Variants in PTPRD observed in about 807,000 individuals in gnomAD.
The protein encoded by PTPRD is protein tyrosine phosphatase receptor type D, also known as receptor-type tyrosine-protein phosphatase delta.
A neutral mutation model predicts 214.5 loss-of-function variants in PTPRD; 34 were observed. The observed-to-expected ratio is 0.16, with a 90% CI of 0.12 to 0.21. PTPRD has a LOEUF of 0.21. Among genes scored for constraint, PTPRD ranks in the 10% least tolerant of loss-of-function variants. PTPRD has a pLI of 1.00. For synonymous variants in PTPRD, 1,128 were observed against 845.7 expected (o/e 1.33, Z -5.79); for missense variants, 2,545 against 2,398.7 (o/e 1.06, Z -1.27).
chr9:9,449,408 C>CTA (rs201242883), intron 8 of PTPRD, among the ~76,000 whole-genome samples: 1 of 135,694 alleles, frequency 7.4e-6, no homozygotes, highest in Non-Finnish European at 1.7e-5. Context: ...ATTCAAATTG[C>CTA]TATATATATA....
rs1041949045 is a variant in PTPRD at position 10,292,208 on chromosome 9, G to C, written c.-545+48755C>G. Among the ~76,000 whole-genome samples, 3 of 151,962 alleles carry C rather than the reference G, an allele frequency of 2.0e-5. No individual in the cohort carries two copies. In the East Asian group the frequency reaches 5.8e-4, roughly 29 times the overall value. Reference sequence around the variant, plus strand: ...CAAGTAAAAGATACTGAGGAGACATGTTGAATCTATTTTTCTCTCACACTT... The same window carrying C: ...CAAGTAAAAGATACTGAGGAGACATCTTGAATCTATTTTTCTCTCACACTT... On this transcript the variant is annotated intron_variant, in intron 3 of 45. Coordinates refer to ENST00000381196, the MANE Select transcript of PTPRD (RefSeq NM_002839.4).
intron 39 of PTPRD, among the ~76,000 whole-genome samples, chr9:8,356,870 G>A (rs1157586018): frequency 6.6e-6 from 1 of 151,934 alleles, no homozygotes; most frequent in Non-Finnish European, 1.5e-5. Flanking sequence ...CTGCAACATA[G>A]GTCAAAGGAA....
At chr9:9,848,947 T>C (rs1023843537) in intron 5 of PTPRD, among the ~76,000 whole-genome samples, 1 of 151,956 alleles carries the variant, frequency 6.6e-6, no homozygotes, top group Non-Finnish European at 1.5e-5. Flanking sequence ...AATAACATAT[T>C]TATTGAATAA....
rs568479764 is a variant in PTPRD at position 8,664,373 on chromosome 9, T to C, written c.65-27529A>G. Among the ~76,000 whole-genome samples the C allele has an allele frequency of 2.1e-3, 316 of 152,336 alleles. 1 individual carries two copies. The highest frequency in any genetic ancestry group is 3.3e-3 in the Non-Finnish European group (226 of 68,028). Reference sequence around the variant, plus strand: ...CTTAGTGAATACGGACATTTTCCTATAGAGAACACAAGTGTGTAGATGCTG... The same window carrying C: ...CTTAGTGAATACGGACATTTTCCTACAGAGAACACAAGTGTGTAGATGCTG... On this transcript the variant is annotated intron_variant, in intron 12 of 45. Coordinates refer to ENST00000381196, the MANE Select transcript of PTPRD (RefSeq NM_002839.4).
chr9:9,319,419 C>A (rs1965234496), intron 9 of PTPRD, among the ~76,000 whole-genome samples: 1 of 151,898 alleles, frequency 6.6e-6, no homozygotes, highest in African/African-American at 2.4e-5. Flanking sequence ...CTTTAGTTGG[C>A]CAAAGATAAA....
chr9:9,904,043 C>T (rs1038838060), intron 5 of PTPRD, among the ~76,000 whole-genome samples: 1 of 152,118 alleles, frequency 6.6e-6, no homozygotes, highest in African/African-American at 2.4e-5. Context: ...TTCAGTCCTC[C>T]AGGTGCACTG....
chr9:9,084,699 A>G (rs1446462078), intron 10 of PTPRD, among the ~76,000 whole-genome samples: 3 of 152,084 alleles, frequency 2.0e-5, no homozygotes, highest in Non-Finnish European at 4.4e-5. Flanking sequence ...GTAAAAATAT[A>G]CTCCAAATGA....
chr9:9,849,042 T>A (rs1168346130), intron 5 of PTPRD, among the ~76,000 whole-genome samples: 2 of 151,636 alleles, frequency 1.3e-5, no homozygotes, highest in Non-Finnish European at 2.9e-5. Flanking sequence ...TGTATTTGGA[T>A]GGTCACTTAA....
At chr9:9,830,695 A>G (rs2054537442) in intron 5 of PTPRD, among the ~76,000 whole-genome samples, 3 of 151,870 alleles carry the variant, frequency 2.0e-5, no homozygotes, top group Admixed American at 2.0e-4. Context: ...ATAAATCAGG[A>G]CAATATAATA....
At chr9:9,387,794 G>C (rs2064378808) in intron 9 of PTPRD, among the ~76,000 whole-genome samples, 1 of 152,096 alleles carries the variant, frequency 6.6e-6, no homozygotes, top group South Asian at 2.1e-4. Context: ...CATACAGATG[G>C]GCAGGCTGTG....
At chr9:9,551,062 C>G (rs1001281871) in intron 8 of PTPRD, among the ~76,000 whole-genome samples, 1 of 151,842 alleles carries the variant, frequency 6.6e-6, no homozygotes, top group Non-Finnish European at 1.5e-5. Context: ...CATGTAAATA[C>G]TACATGACCC....
chr9:10,156,561 G>C (rs1462043688), intron 3 of PTPRD, among the ~76,000 whole-genome samples: 1 of 152,092 alleles, frequency 6.6e-6, no homozygotes, highest in Non-Finnish European at 1.5e-5. Flanking sequence ...ATGATTGTTT[G>C]GTCTATTTTA....
At chr9:8,968,329 C>G (rs1040876507) in intron 11 of PTPRD, among the ~76,000 whole-genome samples, 9 of 152,114 alleles carry the variant, frequency 5.9e-5, no homozygotes, top group Middle Eastern at 3.2e-3. Flanking sequence ...GGAATTGCCA[C>G]ACTGTCTTCC....
intron 9 of PTPRD, among the ~76,000 whole-genome samples, chr9:9,260,762 C>T (rs909559664): frequency 6.6e-6 from 1 of 151,862 alleles, no homozygotes; most frequent in Non-Finnish European, 1.5e-5. Context: ...TGGTAGACGA[C>T]ACTTTTCATG....
At chr9:9,312,398 C>T (rs1959274691) in intron 9 of PTPRD, among the ~76,000 whole-genome samples, 1 of 152,124 alleles carries the variant, frequency 6.6e-6, no homozygotes, top group Non-Finnish European at 1.5e-5. Context: ...CATTGTACAG[C>T]ATGTCTTTGA....
chr9:10,610,369 C>A (rs10959198), intron 2 of PTPRD, among the ~76,000 whole-genome samples: 3,139 of 152,182 alleles, frequency 0.021, 57 homozygotes, highest in Non-Finnish European at 0.033. Flanking sequence ...TTCAGAAATT[C>A]AAAAAGAATG....
chr9:8,934,464 A>T (rs13295345), intron 11 of PTPRD, among the ~76,000 whole-genome samples: 1,362 of 10,820 alleles, frequency 0.13, 109 homozygotes, highest in Non-Finnish European at 0.17. Flanking sequence ...TATATATATA[A>T]ATATATATAT....
intron 3 of PTPRD, among the ~76,000 whole-genome samples, chr9:10,223,154 A>G (rs2154350559): frequency 6.6e-6 from 1 of 150,950 alleles, no homozygotes; most frequent in South Asian, 2.1e-4. Context: ...GCATTTTCCT[A>G]ATGTGTCTCT....
chr9:10,111,438 C>T lies in PTPRD; in HGVS notation c.-544-77648G>A, dbSNP rs1018690736. ...TATTTTTAGTAGAGACGGGGTTTCA[C>T]CGTTTTAGCCGGGATGGTCTCGATC... On this transcript the variant is annotated intron_variant, in intron 3 of 45. Transcript: ENST00000381196. Among the ~76,000 whole-genome samples the T allele has an allele frequency of 4.0e-5, 6 of 151,316 alleles. 1 individual carries two copies. The highest frequency in any genetic ancestry group is 1.9e-4 in the East Asian group (1 of 5,138).
Sources: gnomAD v4.1 joint callset for allele counts (sites outside exome capture counted in the v4.1 genomes callset) on GRCh38, gnomAD v4.1.1 for gene constraint, MANE v1.5 for transcripts, NCBI Gene and HGNC (gene_info 2026-07-23, HGNC 2026-07-21) for gene names.